RBFOX2: variants seen among roughly 807,000 people sequenced by gnomAD.
The protein encoded by RBFOX2 is RNA binding fox-1 homolog 2, also known as RNA binding protein fox-1 homolog 2.
RBFOX2 carries 10 observed loss-of-function variants against 49.1 expected under a neutral mutation model. That is an observed-to-expected ratio of 0.20 (90% CI 0.13 to 0.35). The LOEUF (loss-of-function observed/expected upper bound fraction) is 0.35. Ranked by LOEUF, RBFOX2 falls within the 10% of genes least tolerant of loss-of-function variation. The pLI is 1.00. For synonymous variants in RBFOX2, 183 were observed against 187.4 expected (o/e 0.98, Z 0.19); for missense variants, 323 against 486.9 (o/e 0.66, Z 3.17).
intron 1 of RBFOX2, among the ~76,000 whole-genome samples, chr22:35,974,160 G>A (rs1013983729): frequency 2.6e-5 from 4 of 152,178 alleles, no homozygotes; most frequent in Non-Finnish European, 5.9e-5. Context: ...AGGATTCTTC[G>A]TGGCAAACAG....
chr22:35,997,360 A>C (rs927344572), intron 1 of RBFOX2: 6 of 151,618 alleles, frequency 4.0e-5, no homozygotes, highest in African/African-American at 7.3e-5. Flanking sequence ...AAGCCAACAA[A>C]ATCTCCTCTA....
intron 1 of RBFOX2, chr22:35,821,750 T>C (rs774074030): frequency 1.9e-6 from 1 of 518,578 alleles, no homozygotes; most frequent in Non-Finnish European, 3.9e-6. Flanking sequence ...CTGACTGCTC[T>C]GACCACCCCC....
intron 1 of RBFOX2, 38 bp downstream of exon 1, chr22:36,028,202 C>T: frequency 1.4e-6 from 2 of 1,452,422 alleles, no homozygotes; most frequent in Non-Finnish European, 1.8e-6. Context: ...CTCACGCCCA[C>T]CCCCGCAATA....
At chr22:35,739,589 T>C (rs370733197) in exon 12 of RBFOX2, 2 of 152,248 alleles carry the variant, frequency 1.3e-5, no homozygotes, top group Admixed American at 6.6e-5. Flanking sequence ...TACAAGAAAA[T>C]GACTAAGCTG....
At chr22:35,886,235 A>G (rs940638921) in intron 1 of RBFOX2, among the ~76,000 whole-genome samples, 6 of 152,040 alleles carry the variant, frequency 3.9e-5, no homozygotes, top group Admixed American at 6.6e-5. Context: ...TTTTCAACCA[A>G]TATCTGTGGA....
chr22:35,909,886 T>A (rs2049584957), intron 1 of RBFOX2, among the ~76,000 whole-genome samples: 1 of 152,236 alleles, frequency 6.6e-6, no homozygotes, highest in Non-Finnish European at 1.5e-5. Flanking sequence ...GTGCTGGGAT[T>A]ATAGGCGTGA....
intron 1 of RBFOX2, among the ~76,000 whole-genome samples, chr22:35,927,541 T>C (rs1225571251): frequency 6.9e-6 from 1 of 145,454 alleles, no homozygotes; most frequent in Non-Finnish European, 1.5e-5. Context: ...GAGGTGGAGG[T>C]TGCGGTGAGC....
intron 1 of RBFOX2, among the ~76,000 whole-genome samples, chr22:35,847,604 AAAGT>A (rs1017810899): frequency 1.3e-5 from 2 of 152,310 alleles, no homozygotes; most frequent in African/African-American, 4.8e-5. Flanking sequence ...TTACTTTAAA[AAAGT>A]AATAAATAAG....
At chr22:35,971,526 T>C (rs2056869087) in intron 1 of RBFOX2, among the ~76,000 whole-genome samples, 1 of 152,084 alleles carries the variant, frequency 6.6e-6, no homozygotes, top group Non-Finnish European at 1.5e-5. Context: ...CTCCCTCTCT[T>C]CTCTGCTCCC....
exon 12 of RBFOX2, chr22:35,740,770 G>A (rs1929504136): frequency 6.6e-6 from 1 of 152,262 alleles, no homozygotes; most frequent in African/African-American, 2.4e-5. Flanking sequence ...TATCCTTGGG[G>A]TTGCTTCCAT....
chr22:35,779,383 A>G (rs1944631526), intron 3 of RBFOX2, among the ~76,000 whole-genome samples: 1 of 152,234 alleles, frequency 6.6e-6, no homozygotes, highest in South Asian at 2.1e-4. Context: ...AAATGGAAAG[A>G]GCAAAACAGA....
At chr22:35,955,055 C>T (rs1213321798) in intron 1 of RBFOX2, among the ~76,000 whole-genome samples, 2 of 152,132 alleles carry the variant, frequency 1.3e-5, no homozygotes. Flanking sequence ...CAGCAAAATC[C>T]CACCTCCCTT....
At chr22:35,899,195 T>C (rs912537159) in intron 1 of RBFOX2, among the ~76,000 whole-genome samples, 1 of 128,238 alleles carries the variant, frequency 7.8e-6, no homozygotes, top group African/African-American at 3.0e-5. Context: ...AAAAATAAAA[T>C]AAAATAAAAT....
rs549820476 is a variant in RBFOX2 at position 35,826,932 on chromosome 22, A to C, written c.27+13260T>G. On this transcript the variant is annotated intron_variant, in intron 1 of 11. Coordinates refer to ENST00000405409, the Ensembl canonical transcript of RBFOX2. ...CCTTAGTATTTTCAGACTATGGTTG[A>C]TCATGGGTAATTGAAACCATGAAAA... Among the ~76,000 whole-genome samples, 3 of 152,304 alleles carry C rather than the reference A, an allele frequency of 2.0e-5. No individual in the cohort carries two copies. In the East Asian group the frequency reaches 5.8e-4, roughly 29 times the overall value.
intron 1 of RBFOX2, among the ~76,000 whole-genome samples, chr22:35,874,290 C>A (rs1402757222): frequency 6.6e-6 from 1 of 151,914 alleles, no homozygotes; most frequent in African/African-American, 2.4e-5. Context: ...AAGCAATTTA[C>A]CTAGAGTAAG....
At chr22:35,886,504 T>TAA (rs934357617) in intron 1 of RBFOX2, among the ~76,000 whole-genome samples, 2 of 152,208 alleles carry the variant, frequency 1.3e-5, no homozygotes, top group Non-Finnish European at 2.9e-5. Context: ...GAGATCATCA[T>TAA]AGAGTGTACT....
upstream of RBFOX2, among the ~76,000 whole-genome samples, chr22:35,942,744 C>T (rs2053833173): frequency 6.7e-6 from 1 of 149,574 alleles, no homozygotes; most frequent in African/African-American, 2.5e-5. Flanking sequence ...AAAAAGGTAA[C>T]TAAATGCATC....
At chr22:35,950,000 C>T (rs1050069018) in intron 1 of RBFOX2, among the ~76,000 whole-genome samples, 2 of 151,904 alleles carry the variant, frequency 1.3e-5, no homozygotes, top group African/African-American at 2.4e-5. Context: ...TCCAAGGTCA[C>T]GAGGATTTAC....
chr22:35,839,543 T>C (rs1958353745), intron 1 of RBFOX2, among the ~76,000 whole-genome samples: 1 of 152,184 alleles, frequency 6.6e-6, no homozygotes, highest in African/African-American at 2.4e-5. Flanking sequence ...TTCAAATGTA[T>C]TTTAAAGCCT....
Sources: allele counts gnomAD v4.1 joint callset (sites outside exome capture counted in the v4.1 genomes callset), GRCh38; gene constraint gnomAD v4.1.1; transcripts MANE v1.5; gene names NCBI Gene and HGNC (gene_info 2026-07-23, HGNC 2026-07-21).